The following DLC1 variants were observed in gnomAD, a reference collection of about 807,000 sequenced individuals.
DLC1 encodes the protein DLC1 Rho GTPase activating protein.
Under a neutral mutation model 140.3 loss-of-function variants are expected in DLC1, and 54 were observed. The ratio of observed to expected loss-of-function variants is 0.38; its 90% CI spans 0.31 to 0.48. DLC1 has a LOEUF of 0.48. Among genes scored for constraint, DLC1 ranks in the 20% least tolerant of loss-of-function variants. The pLI is 0.96. For missense variants in DLC1, 2,536 were observed against 1,907.0 expected, an observed-to-expected ratio of 1.33 and a Z score of -6.14; for synonymous variants, 986 against 728.1, an observed-to-expected ratio of 1.35 and a Z score of -5.70.
intron 4 of DLC1, among the ~76,000 whole-genome samples, chr8:13,343,642 G>T (rs1359515006): frequency 1.3e-5 from 2 of 152,164 alleles, no homozygotes; most frequent in African/African-American, 4.8e-5. Flanking sequence ...TAAGTGACCT[G>T]CCAAAGTCAA....
intron 5 of DLC1, among the ~76,000 whole-genome samples, chr8:13,238,255 A>AAAG (rs201283003): frequency 0.013 from 2,053 of 152,318 alleles, 57 homozygotes; most frequent in African/African-American, 0.047. Flanking sequence ...ATATAAAACT[A>AAAG]AAGCCTATTA....
At chr8:13,483,585 C>T (rs1366605307) in intron 2 of DLC1, among the ~76,000 whole-genome samples, 1 of 152,030 alleles carries the variant, frequency 6.6e-6, no homozygotes, top group Non-Finnish European at 1.5e-5. Flanking sequence ...GGGAGGTGAG[C>T]TGGGAGAGCT....
intron 5 of DLC1, among the ~76,000 whole-genome samples, chr8:13,237,145 G>C (rs1486402632): frequency 1.4e-5 from 2 of 148,092 alleles, no homozygotes; most frequent in East Asian, 4.0e-4. Context: ...TAATGCAGTG[G>C]AAAAAAAATA....
rs76773526 is a variant in DLC1 at position 13,252,698 on chromosome 8, T to A, written c.1348+52571A>T. On this transcript the variant is annotated intron_variant, in intron 5 of 17. Transcript: ENST00000276297. ...AACCTGGAGTTTAAGAGGATATCTCTCTTGCTTGCTTTCAAATATTTGAAA... is the reference window on the plus strand; with the variant it reads ...AACCTGGAGTTTAAGAGGATATCTCACTTGCTTGCTTTCAAATATTTGAAA... 9.8e-3 allele frequency among the ~76,000 whole-genome samples: 1,486 copies of A among 152,296 alleles called. 34 individuals are homozygous for A. Among genetic ancestry groups the A allele is most frequent in the African/African-American group, 0.035 (1,435 of 41,560 alleles).
At chr8:13,152,138 C>T (rs956574522) in intron 5 of DLC1, among the ~76,000 whole-genome samples, 3 of 152,196 alleles carry the variant, frequency 2.0e-5, no homozygotes, top group Non-Finnish European at 2.9e-5. Context: ...TAAGTTTAGG[C>T]ATGCTTTGTG....
At chr8:13,392,700 G>A (rs1357141812) in intron 4 of DLC1, among the ~76,000 whole-genome samples, 1 of 152,080 alleles carries the variant, frequency 6.6e-6, no homozygotes, top group African/African-American at 2.4e-5. Flanking sequence ...ACCTTTTAGA[G>A]TCAAATACTA....
At chr8:13,189,476 TG>T (rs377764582) in intron 5 of DLC1, among the ~76,000 whole-genome samples, 1,679 of 151,806 alleles carry the variant, frequency 0.011, 12 homozygotes, top group South Asian at 0.032. Context: ...AAAAAGCCTA[TG>T]GAATTCAAGG....
At chr8:13,155,774 CAT>C (rs1325347835) in intron 5 of DLC1, among the ~76,000 whole-genome samples, 1 of 152,132 alleles carries the variant, frequency 6.6e-6, no homozygotes, top group African/African-American at 2.4e-5. Context: ...TAATAGTTCA[CAT>C]GAGGAATAAA....
rs373906279 is a variant in DLC1, at chr8:13,379,282, G to A, written c.1314+14271C>T. 2.0e-4 allele frequency among the ~76,000 whole-genome samples: 30 copies of A among 152,180 alleles called. 1 individual carries two copies. Among genetic ancestry groups the A allele is most frequent in the South Asian group, 6.2e-4 (3 of 4,824 alleles). On this transcript the variant is annotated intron_variant, in intron 4 of 17. Transcript: ENST00000276297. ...GCCTTCACCCATTCCTGATCTGACC[G>A]TTTGAGACCCCACAACAGTGCAGAT...
intron 1 of DLC1, among the ~76,000 whole-genome samples, chr8:13,506,779 C>A (rs192658627): frequency 7.2e-5 from 11 of 151,820 alleles, no homozygotes; most frequent in Non-Finnish European, 1.5e-4. Flanking sequence ...GTTAATTAAA[C>A]GCAACTTAAC....
At chr8:13,441,044 T>C (rs1798485012) in intron 2 of DLC1, among the ~76,000 whole-genome samples, 1 of 152,182 alleles carries the variant, frequency 6.6e-6, no homozygotes, top group Non-Finnish European at 1.5e-5. Flanking sequence ...ACAGTTCAAA[T>C]TTGTAATATA....
intron 4 of DLC1, among the ~76,000 whole-genome samples, chr8:13,307,081 C>CAA (rs34372620): frequency 0.03 from 2,081 of 69,906 alleles, 97 homozygotes; most frequent in Middle Eastern, 0.086. Context: ...GAGACTCTGT[C>CAA]AAAAAAAAAA....
chr8:13,375,497 T>C (rs1350790167), intron 4 of DLC1, among the ~76,000 whole-genome samples: 3 of 152,180 alleles, frequency 2.0e-5, no homozygotes. Context: ...GAATATCCTT[T>C]ATTTCTTTCT....
At chr8:13,438,058 T>C (rs1270644142) in intron 2 of DLC1, among the ~76,000 whole-genome samples, 3 of 151,928 alleles carry the variant, frequency 2.0e-5, no homozygotes, top group African/African-American at 4.8e-5. Context: ...CTATCAGTTA[T>C]ATAAAATTAA....
At chr8:13,590,443 C>G (rs1270890326) in intron 1 of DLC1, among the ~76,000 whole-genome samples, 1 of 152,032 alleles carries the variant, frequency 6.6e-6, no homozygotes, top group Non-Finnish European at 1.5e-5. Flanking sequence ...TAATTACAGT[C>G]ATGAAAACAG....
intron 5 of DLC1, among the ~76,000 whole-genome samples, chr8:13,172,215 G>T (rs377733564): frequency 1.3e-5 from 2 of 152,222 alleles, no homozygotes; most frequent in African/African-American, 2.4e-5. Context: ...GCCTTGTATG[G>T]GTGCTTCTGC....
chr8:13,209,049 T>A (rs1337579117), intron 5 of DLC1, among the ~76,000 whole-genome samples: 3 of 152,180 alleles, frequency 2.0e-5, no homozygotes, highest in Non-Finnish European at 4.4e-5. Context: ...TTGATGACTT[T>A]GATTTTTCTA....
intron 2 of DLC1, among the ~76,000 whole-genome samples, chr8:13,432,834 G>T (rs1237028677): frequency 6.6e-6 from 1 of 151,998 alleles, no homozygotes; most frequent in Non-Finnish European, 1.5e-5. Context: ...AGACTGCGCT[G>T]ACAAGGAGCT....
chr8:13,510,555 C>T (rs117176464), intron 1 of DLC1, among the ~76,000 whole-genome samples: 125 of 152,242 alleles, frequency 8.2e-4, no homozygotes, highest in Non-Finnish European at 1.5e-3. Flanking sequence ...ACCTGGAAAT[C>T]CCATACTTTA....
Sources: allele counts gnomAD v4.1 joint callset (sites outside exome capture counted in the v4.1 genomes callset), GRCh38; gene constraint gnomAD v4.1.1; transcripts MANE v1.5; gene names NCBI Gene and HGNC (gene_info 2026-07-23, HGNC 2026-07-21).